Variants in COG5 observed in about 807,000 individuals in gnomAD.
COG5 encodes conserved oligomeric Golgi complex subunit 5.
In COG5, 86 loss-of-function variants were observed where a neutral mutation model predicts 110.4. The observed-to-expected ratio is 0.78, with a 90% CI of 0.65 to 0.93. COG5 has a LOEUF of 0.93. Among genes scored for constraint, COG5 ranks in the 40% least tolerant of loss-of-function variants. The pLI, the probability that COG5 is intolerant of heterozygous loss-of-function variation, is 0.00. For synonymous variants in COG5, 360 were observed against 334.6 expected (o/e 1.08, Z -0.83); for missense variants, 1,077 against 987.0 (o/e 1.09, Z -1.22).
Position 107,347,645 on chromosome 7 carries a change from T to G in COG5, c.1026+14388A>C, listed in dbSNP as rs75320060. The stretch of plus-strand genomic sequence containing the variant: ...AGATGGATATGTGAATTACCCTGAT[T>G]TGATCACTACACATTATATGTATCA... On this transcript the variant is annotated intron_variant, in intron 10 of 21. Transcript: ENST00000297135. Among the ~76,000 whole-genome samples, 830 of 152,310 alleles carry G rather than the reference T, an allele frequency of 5.4e-3. 9 individuals carry two copies. The highest frequency in any genetic ancestry group is 0.019 in the African/African-American group (808 of 41,568).
At chr7:107,457,118 AC>A (rs1217680125) in intron 6 of COG5, among the ~76,000 whole-genome samples, 3 of 152,226 alleles carry the variant, frequency 2.0e-5, no homozygotes, top group African/African-American at 7.2e-5. Flanking sequence ...AAATTACATG[AC>A]AAAGATATTA....
intron 16 of COG5, among the ~76,000 whole-genome samples, chr7:107,255,501 T>G (rs1320152108): frequency 6.6e-6 from 1 of 152,056 alleles, no homozygotes; most frequent in Non-Finnish European, 1.5e-5. Flanking sequence ...TCCCTTCCCC[T>G]TTAGGATTTG....
At chr7:107,421,969 T>G (rs1793324112) in intron 6 of COG5, among the ~76,000 whole-genome samples, 1 of 152,084 alleles carries the variant, frequency 6.6e-6, no homozygotes, top group South Asian at 2.1e-4. Context: ...AAGAAGGAAT[T>G]TAATAACATT....
intron 7 of COG5, among the ~76,000 whole-genome samples, chr7:107,385,788 C>A (rs1790141166): frequency 6.6e-6 from 1 of 151,154 alleles, no homozygotes; most frequent in African/African-American, 2.4e-5. Flanking sequence ...AACATCCTTG[C>A]CAACGCTTGT....
At chr7:107,261,173 T>C (rs1310500485) in intron 14 of COG5, among the ~76,000 whole-genome samples, 1 of 152,130 alleles carries the variant, frequency 6.6e-6, no homozygotes, top group Non-Finnish European at 1.5e-5. Flanking sequence ...TTGAAAAATA[T>C]CTGTGTATAA....
At chr7:107,417,119 G>A (rs1385962788) in intron 6 of COG5, among the ~76,000 whole-genome samples, 1 of 152,118 alleles carries the variant, frequency 6.6e-6, no homozygotes, top group Non-Finnish European at 1.5e-5. Context: ...CAGGGTCTGG[G>A]CAGCTGGCGA....
intron 17 of COG5, among the ~76,000 whole-genome samples, chr7:107,243,048 C>T (rs79642886): frequency 6.6e-6 from 1 of 152,288 alleles, no homozygotes; most frequent in East Asian, 1.9e-4. Context: ...GCAGAGGTTG[C>T]AGTCCTAATT....
At chr7:107,234,099 A>G (rs568473009) in intron 18 of COG5, among the ~76,000 whole-genome samples, 1 of 152,318 alleles carries the variant, frequency 6.6e-6, no homozygotes, top group African/African-American at 2.4e-5. Flanking sequence ...GCCATCCCCA[A>G]GGTGAGTGTC....
intron 19 of COG5, among the ~76,000 whole-genome samples, chr7:107,213,172 G>A (rs902734987): frequency 2.6e-5 from 4 of 152,080 alleles, no homozygotes; most frequent in East Asian, 3.9e-4. Context: ...AAGCTGAGTC[G>A]GCTGCTCCCA....
chr7:107,293,951 A>G (rs1458601632), intron 12 of COG5, among the ~76,000 whole-genome samples: 1 of 151,984 alleles, frequency 6.6e-6, no homozygotes, highest in Non-Finnish European at 1.5e-5. Context: ...GTGTGCCCAT[A>G]ATCCCAGCTG....
chr7:107,467,477 C>T (rs932284659), intron 6 of COG5, among the ~76,000 whole-genome samples: 1 of 152,132 alleles, frequency 6.6e-6, no homozygotes, highest in Non-Finnish European at 1.5e-5. Context: ...ATTCCTCAAC[C>T]TCGCGAGGAG....
chr7:107,295,058 CACACACACATATATATAT>C lies in COG5; in HGVS notation c.1313+3066_1313+3083del, dbSNP rs1806580187. ...ACATATACACACACACACACACACACACACACACATATATATATATATATATATATATATATATATATA... is the reference window on the plus strand; with the variant it reads ...ACATATACACACACACACACACACACATATATATATATATATATATATATA... On this transcript the variant is annotated intron_variant, in intron 12 of 21. Transcript: ENST00000297135. Among the ~76,000 whole-genome samples, 6 of 62,106 alleles carry C rather than the reference CACACACACATATATATAT, an allele frequency of 9.7e-5. No homozygotes were observed. The South Asian group carries it at 1.4e-3, about 14-fold the overall frequency. 40.7% of individuals were successfully genotyped at this position (62,106 alleles called of 152,430 possible).
At chr7:107,469,065 A>T (rs1796475988) in intron 6 of COG5, among the ~76,000 whole-genome samples, 1 of 150,604 alleles carries the variant, frequency 6.6e-6, no homozygotes, top group Admixed American at 6.6e-5. Flanking sequence ...TTAAATATTT[A>T]ATTTTAAATA....
chr7:107,274,570 G>T (rs1420015473), intron 14 of COG5, among the ~76,000 whole-genome samples: 4 of 152,110 alleles, frequency 2.6e-5, no homozygotes, highest in Non-Finnish European at 5.9e-5. Context: ...TAATAGAGCA[G>T]AAGTTTTAAT....
chr7:107,457,503 A>G (rs572800407), intron 6 of COG5, among the ~76,000 whole-genome samples: 1 of 152,128 alleles, frequency 6.6e-6, no homozygotes, highest in South Asian at 2.1e-4. Context: ...ATCTCAGCTC[A>G]CTGCAAGCGC....
intron 10 of COG5, among the ~76,000 whole-genome samples, chr7:107,345,655 A>G (rs1811537736): frequency 6.6e-6 from 1 of 152,190 alleles, no homozygotes; most frequent in Non-Finnish European, 1.5e-5. Context: ...CGAGAGCATC[A>G]GAGAACATAT....
chr7:107,498,659 T>C (rs781267060), intron 6 of COG5, among the ~76,000 whole-genome samples: 3 of 151,838 alleles, frequency 2.0e-5, no homozygotes, highest in East Asian at 1.9e-4. Context: ...GCTGGTGAGG[T>C]TGCGGAGAAA....
chr7:107,474,439 G>A lies in COG5; in HGVS notation c.538+52798C>T, dbSNP rs183519884. 1 of 1,613,294 alleles carries A rather than the reference G, an allele frequency of 6.2e-7. No individual in the cohort carries two copies. The highest frequency in any genetic ancestry group is 2.2e-5 in the East Asian group (1 of 44,858). ...TGAGGCTTGTGTATCTTTTGCAAGT[G>A]TCTCAACAGCAATCAACGTTTTTGC... On this transcript the variant is annotated intron_variant, in intron 6 of 21. Transcript: ENST00000297135. This position sits in a 1 kb window ranked among gnomAD's most constrained non-coding sequence, Gnocchi z 5.7.
intron 2 of COG5, among the ~76,000 whole-genome samples, chr7:107,555,529 T>C (rs1803243568): frequency 6.6e-6 from 1 of 152,254 alleles, no homozygotes; most frequent in Non-Finnish European, 1.5e-5. Flanking sequence ...AGAAGATGTC[T>C]GAATTTTTCC....
Sources: allele counts gnomAD v4.1 joint callset (sites outside exome capture counted in the v4.1 genomes callset), GRCh38; gene constraint gnomAD v4.1.1; non-coding constraint Gnocchi (gnomAD v3.1); transcripts MANE v1.5; gene names NCBI Gene and HGNC (gene_info 2026-07-23, HGNC 2026-07-21).